PTPRG: variants seen among roughly 807,000 people sequenced by gnomAD.
PTPRG encodes protein tyrosine phosphatase receptor type G.
A neutral mutation model predicts 165.3 loss-of-function variants in PTPRG; 102 were observed. The observed-to-expected ratio is 0.62, with a 90% CI of 0.53 to 0.73. The LOEUF (loss-of-function observed/expected upper bound fraction) is 0.73. Among genes scored for constraint, PTPRG ranks in the 30% least tolerant of loss-of-function variants. The pLI is 0.00. For missense variants in PTPRG, 1,866 were observed against 1,861.4 expected (o/e 1.00, Z -0.05); for synonymous variants, 675 against 669.5 (o/e 1.01, Z -0.13).
At position 61,972,739 on chromosome 3, in the gene PTPRG, A is replaced by G. The variant is rs2040413057; in HGVS notation, c.191-16886A>G. Among the ~76,000 whole-genome samples the G allele has an allele frequency of 2.0e-5, 3 of 146,588 alleles. No individual in the cohort carries two copies. In the South Asian group the frequency reaches 6.5e-4, roughly 32 times the overall value. On this transcript the variant is annotated intron_variant, in intron 2 of 29. Transcript: ENST00000474889. ...AGAATCATGGCTTACTGCAGCCTTG[A>G]TCTCCCGGGCTCAAGTGATACTCAC...
intron 2 of PTPRG, among the ~76,000 whole-genome samples, chr3:61,833,535 C>G (rs2036369038): frequency 6.6e-6 from 1 of 152,066 alleles, no homozygotes. Flanking sequence ...CACTTGCTTT[C>G]CTCATTCCGG....
Position 62,228,354 on chromosome 3 carries a change from A to G in PTPRG, c.2289-2871A>G, listed in dbSNP as rs1700813666. Among the ~76,000 whole-genome samples the G allele has an allele frequency of 1.3e-5, 2 of 152,064 alleles. No homozygotes were observed. On this transcript the variant is annotated intron_variant, in intron 13 of 29. Transcript: ENST00000474889. This position sits in a 1 kb window ranked among gnomAD's most constrained non-coding sequence, Gnocchi z 4.1. ...TGGCCAAAATGGTGAAACCCCGTCTACTAAAAATACAAAAACAATTAGCCG... is the reference window on the plus strand; with the variant it reads ...TGGCCAAAATGGTGAAACCCCGTCTGCTAAAAATACAAAAACAATTAGCCG...
intron 8 of PTPRG, among the ~76,000 whole-genome samples, chr3:62,168,394 C>G (rs1001436621): frequency 5.3e-5 from 8 of 152,186 alleles, no homozygotes; most frequent in Admixed American, 3.9e-4. Flanking sequence ...ATTCTGTCTG[C>G]ATTTCTGCCT....
At chr3:61,935,793 A>G (rs906716878) in intron 2 of PTPRG, among the ~76,000 whole-genome samples, 11 of 151,810 alleles carry the variant, frequency 7.2e-5, no homozygotes, top group Non-Finnish European at 1.0e-4. Flanking sequence ...AATTATATTA[A>G]TATTAGCCAA....
At chr3:61,812,873 GCTC>G (rs2035630319) in intron 2 of PTPRG, among the ~76,000 whole-genome samples, 2 of 152,172 alleles carry the variant, frequency 1.3e-5, no homozygotes, top group Non-Finnish European at 2.9e-5. Context: ...TATTTAATGT[GCTC>G]CTACTGGTTT....
intron 2 of PTPRG, among the ~76,000 whole-genome samples, chr3:61,878,384 G>A (rs959236391): frequency 2.6e-5 from 4 of 152,092 alleles, no homozygotes; most frequent in African/African-American, 9.7e-5. Flanking sequence ...TCTGAGTCAG[G>A]ATAAGCAATA....
At chr3:62,076,303 G>A (rs1246881341) in intron 4 of PTPRG, among the ~76,000 whole-genome samples, 2 of 151,936 alleles carry the variant, frequency 1.3e-5, no homozygotes, top group Admixed American at 6.6e-5. Context: ...AAATACATAT[G>A]TATATATGGT....
intron 2 of PTPRG, among the ~76,000 whole-genome samples, chr3:61,910,011 CT>C (rs765981425): frequency 5.9e-5 from 9 of 152,230 alleles, no homozygotes; most frequent in Non-Finnish European, 1.2e-4. Context: ...TCATTTTTCT[CT>C]TTCACTCATA....
At chr3:61,647,791 C>CAAAAAAAAAAAAAAA (rs58020589) in intron 1 of PTPRG, among the ~76,000 whole-genome samples, 1 of 93,154 alleles carries the variant, frequency 1.1e-5, no homozygotes, top group Non-Finnish European at 2.1e-5. Context: ...GACTCCGTCT[C>CAAAAAAAAAAAAAAA]AAAAAAAAAA....
At chr3:62,235,299 A>G (rs1701003905) in intron 14 of PTPRG, among the ~76,000 whole-genome samples, 1 of 152,148 alleles carries the variant, frequency 6.6e-6, no homozygotes. Context: ...TGTTCAGAAT[A>G]TTCCAGTCTA....
At chr3:61,993,957 A>G (rs1054939659) in intron 3 of PTPRG, among the ~76,000 whole-genome samples, 3 of 152,194 alleles carry the variant, frequency 2.0e-5, no homozygotes, top group Non-Finnish European at 2.9e-5. Context: ...TGAGAGTGCT[A>G]TATATCCTAT....
intron 2 of PTPRG, among the ~76,000 whole-genome samples, chr3:61,815,715 T>C (rs2035741051): frequency 6.6e-6 from 1 of 152,234 alleles, no homozygotes; most frequent in Admixed American, 6.5e-5. Context: ...AGTTGAAAGA[T>C]ACAGTGGCTG....
At chr3:62,165,968 AT>A (rs1189968978) in intron 7 of PTPRG, among the ~76,000 whole-genome samples, 1 of 151,556 alleles carries the variant, frequency 6.6e-6, no homozygotes, top group South Asian at 2.1e-4. Flanking sequence ...TCCCTTTTTT[AT>A]TTTCCACATT....
At chr3:62,125,627 T>C (rs1472671471) in intron 5 of PTPRG, among the ~76,000 whole-genome samples, 1 of 151,578 alleles carries the variant, frequency 6.6e-6, no homozygotes, top group African/African-American at 2.4e-5. Context: ...TGTAGGCAAG[T>C]CACTGAACCT....
intron 1 of PTPRG, among the ~76,000 whole-genome samples, chr3:61,669,516 C>CTA (rs1559548755): frequency 6.6e-6 from 1 of 152,198 alleles, no homozygotes; most frequent in Non-Finnish European, 1.5e-5. Flanking sequence ...CTAGACTTTA[C>CTA]TGTCTCTGTT....
intron 2 of PTPRG, among the ~76,000 whole-genome samples, chr3:61,961,088 A>C (rs139575855): frequency 5.1e-4 from 77 of 152,290 alleles, no homozygotes; most frequent in African/African-American, 1.7e-3. Context: ...AGTGTTAAAA[A>C]ACTTTGGCAT....
intron 1 of PTPRG, among the ~76,000 whole-genome samples, chr3:61,693,896 T>C (rs1242934955): frequency 6.6e-6 from 1 of 151,602 alleles, no homozygotes; most frequent in African/African-American, 2.4e-5. Flanking sequence ...TAGTCCCAGC[T>C]ACTCGGGAGG....
chr3:62,025,803 C>T (rs1277442579), intron 4 of PTPRG, among the ~76,000 whole-genome samples: 1 of 152,126 alleles, frequency 6.6e-6, no homozygotes, highest in Non-Finnish European at 1.5e-5. Context: ...CAGTGATGAC[C>T]TAACTAATTT....
intron 2 of PTPRG, among the ~76,000 whole-genome samples, chr3:61,798,705 G>A (rs1170204921): frequency 1.4e-5 from 2 of 144,898 alleles, no homozygotes; most frequent in Non-Finnish European, 1.5e-5. Flanking sequence ...TGAAGGTCTT[G>A]TCTTTTCATC....
Sources: gnomAD v4.1 joint callset for allele counts (sites outside exome capture counted in the v4.1 genomes callset) on GRCh38, gnomAD v4.1.1 for gene constraint, Gnocchi (gnomAD v3.1) non-coding constraint, MANE v1.5 for transcripts, NCBI Gene and HGNC (gene_info 2026-07-23, HGNC 2026-07-21) for gene names.